Variants in INTS8 observed in about 807,000 individuals in gnomAD.
The protein encoded by INTS8 is protein kaonashi-1.
INTS8 carries 47 observed loss-of-function variants against 138.9 expected under a neutral mutation model. The observed-to-expected ratio is 0.34, with a 90% CI of 0.27 to 0.43. The LOEUF is 0.43. INTS8 is among the 20% of genes least tolerant of loss of function. The probability of loss-of-function intolerance (pLI) is 1.00; values close to 1 mark genes in which losing one functional copy is unlikely to be tolerated. For missense variants in INTS8, 996 were observed against 1,173.0 expected, an observed-to-expected ratio of 0.85 and a Z score of 2.20; for synonymous variants, 392 against 400.9, an observed-to-expected ratio of 0.98 and a Z score of 0.27.
In INTS8 at chr8:94,836,541, C is replaced by T. The variant is rs146535460; in HGVS notation, c.771C>T (p.Gly257=). 3.5e-5 allele frequency: 56 copies of T among 1,613,300 alleles called. No homozygotes were observed. The highest frequency in any genetic ancestry group is 1.5e-4 in the African/African-American group (11 of 74,872). Residue 257 remains glycine, a synonymous_variant, in exon 7 of 27, where the codon GGC becomes GGT. Transcript: ENST00000523731. ...TATTTCAGGTGTGCTATGATTTGGG[C>T]GCAGCATACTTCCAGCAAGGCTCCA... ...EMQCQVCYDL[G]AAYFQQGSTN... is the part of the protein sequence containing the mutation.
At position 94,845,756 on chromosome 8, in the gene INTS8, C is replaced by T. The variant is rs369481465; in HGVS notation, c.1260+3268C>T. ...GATTACAGGTGTGAGCTACCACGCC[C>T]GGCAGTCCTTTGCATTTTTATGTGT... On this transcript the variant is annotated intron_variant, in intron 10 of 26. Transcript: ENST00000523731. Among the ~76,000 whole-genome samples the T allele has an allele frequency of 9.9e-5, 15 of 152,252 alleles. No homozygotes were observed. In the Middle Eastern group the frequency reaches 0.014, roughly 138 times the overall value.
chr8:94,844,507 G>C (rs1409785950), intron 10 of INTS8, among the ~76,000 whole-genome samples: 2 of 151,994 alleles, frequency 1.3e-5, no homozygotes, highest in African/African-American at 4.8e-5. Context: ...AGTAGCGACG[G>C]GGTTTTGCCA....
At chr8:94,876,727 A>C in intron 26 of INTS8, 18 of 410,536 alleles carry the variant, frequency 4.4e-5, no homozygotes, top group East Asian at 8.1e-5. Context: ...ATGGCTTCTC[A>C]TCTCATACAA....
intron 5 of INTS8, among the ~76,000 whole-genome samples, chr8:94,830,427 A>G (rs553612915): frequency 2.8e-4 from 43 of 152,348 alleles, no homozygotes; most frequent in African/African-American, 9.6e-4. Context: ...CATTGTTGTT[A>G]TCTAGTTCCT....
intron 14 of INTS8, among the ~76,000 whole-genome samples, chr8:94,855,171 A>G (rs145364163): frequency 6.6e-6 from 1 of 152,338 alleles, no homozygotes; most frequent in East Asian, 1.9e-4. Context: ...CTAAAGTTGG[A>G]GAACTGCTGC....
intron 6 of INTS8, among the ~76,000 whole-genome samples, chr8:94,834,466 G>A (rs927654122): frequency 6.6e-6 from 1 of 151,798 alleles, no homozygotes; most frequent in South Asian, 2.1e-4. Context: ...AATCAGCCAA[G>A]GGAGGCCAAG....
chr8:94,881,555 G>T lies in INTS8; in HGVS notation c.*1321G>T. 6.8e-7 allele frequency: 1 copy of T among 1,460,492 alleles called. No homozygotes were observed. The highest frequency in any genetic ancestry group is 9.4e-7 in the Non-Finnish European group (1 of 1,064,580). 90.5% of individuals were successfully genotyped at this position (1,460,492 alleles called of 1,614,324 possible). Reference sequence around the variant, plus strand: ...GCAATCAATCACAGCACTACTTTCTGTAAAACTTTAGTAGTTCAGTGATAC... The same window carrying T: ...GCAATCAATCACAGCACTACTTTCTTTAAAACTTTAGTAGTTCAGTGATAC... On this transcript the variant is annotated 3_prime_UTR_variant, in exon 27 of 27. Transcript: ENST00000523731.
chr8:94,870,316 A>C (rs558114447), intron 20 of INTS8, among the ~76,000 whole-genome samples: 5 of 152,024 alleles, frequency 3.3e-5, no homozygotes, highest in African/African-American at 1.2e-4. Context: ...CTCCCAAAGT[A>C]CTGGTATTAC....
chr8:94,877,294 T>G (rs1407639872), intron 26 of INTS8, among the ~76,000 whole-genome samples: 1 of 152,230 alleles, frequency 6.6e-6, no homozygotes, highest in Non-Finnish European at 1.5e-5. Flanking sequence ...TCACTTATAT[T>G]AATTTAAAAA....
At chr8:94,848,693 T>A (rs1815420566) in intron 10 of INTS8, among the ~76,000 whole-genome samples, 1 of 152,220 alleles carries the variant, frequency 6.6e-6, no homozygotes, top group Non-Finnish European at 1.5e-5. Context: ...TATACTGTAT[T>A]TTGTGTGTTT....
At chr8:94,831,450 C>T (rs926793366) in intron 5 of INTS8, among the ~76,000 whole-genome samples, 2 of 150,228 alleles carry the variant, frequency 1.3e-5, no homozygotes, top group Admixed American at 6.7e-5. Flanking sequence ...AAAAAAGATA[C>T]CAGTCTTTCC....
At chr8:94,870,887 C>T (rs557909269) in intron 20 of INTS8, among the ~76,000 whole-genome samples, 71 of 152,158 alleles carry the variant, frequency 4.7e-4, no homozygotes, top group African/African-American at 1.6e-3. Flanking sequence ...TTTTGGGTGC[C>T]GGCCTCGCTT....
At chr8:94,867,988 T>G (rs1816245013) in intron 20 of INTS8, 1 of 152,222 alleles carries the variant, frequency 6.6e-6, no homozygotes, top group Non-Finnish European at 1.5e-5. Context: ...TGAAAGTGAT[T>G]TCTTTTTTCA....
Position 94,867,202 on chromosome 8 carries a change from T to G in INTS8, c.2352+6T>G. ...TGAAACTTCACAATGTTCGGGTAAGTATTTCATAATTTCATTTAGAAAAAT... is the reference window on the plus strand; with the variant it reads ...TGAAACTTCACAATGTTCGGGTAAGGATTTCATAATTTCATTTAGAAAAAT... On this transcript the variant is annotated splice_donor_region_variant and intron_variant, in intron 19 of 26. Coordinates refer to ENST00000523731, the MANE Select transcript of INTS8 (RefSeq NM_017864.4). The G allele has an allele frequency of 6.2e-7, 1 of 1,605,456 alleles. No homozygotes were observed. The highest frequency in any genetic ancestry group is 8.5e-7 in the Non-Finnish European group (1 of 1,175,484).
At chr8:94,875,151 C>T (rs1019486755) in intron 23 of INTS8, among the ~76,000 whole-genome samples, 5 of 152,112 alleles carry the variant, frequency 3.3e-5, no homozygotes, top group African/African-American at 1.2e-4. Flanking sequence ...AAACATATGT[C>T]CACAGAAAAA....
intron 14 of INTS8, among the ~76,000 whole-genome samples, chr8:94,854,374 T>A (rs549684111): frequency 6.6e-6 from 1 of 152,232 alleles, no homozygotes; most frequent in Non-Finnish European, 1.5e-5. Flanking sequence ...TTTACCGTTA[T>A]AATTATACTA....
intron 13 of INTS8, among the ~76,000 whole-genome samples, 179 bp from the exon 14 acceptor site, chr8:94,853,626 T>C (rs1815632671): frequency 6.6e-6 from 1 of 152,192 alleles, no homozygotes; most frequent in Admixed American, 6.5e-5. Flanking sequence ...TACTTGTTGA[T>C]TGTAGCGAAT....
chr8:94,857,113 C>T (rs1815778868), intron 15 of INTS8, 135 bp downstream of exon 15: 1 of 676,978 alleles, frequency 1.5e-6, no homozygotes, highest in Non-Finnish European at 2.4e-6. Context: ...AGCTCTGTCA[C>T]CCAGGCTGGA....
At chr8:94,832,236 T>C (rs979672233) in intron 6 of INTS8, 62 bp downstream of exon 6, 8 of 1,156,022 alleles carry the variant, frequency 6.9e-6, no homozygotes, top group Non-Finnish European at 1.0e-5. Context: ...TATGAGATCA[T>C]CCTCCTATTT....
Sources: gnomAD v4.1 joint callset for allele counts (sites outside exome capture counted in the v4.1 genomes callset) on GRCh38, gnomAD v4.1.1 for gene constraint, MANE v1.5 for transcripts, NCBI Gene and HGNC (gene_info 2026-07-23, HGNC 2026-07-21) for gene names.